The following SCUBE1 variants were observed in gnomAD, a reference collection of about 807,000 sequenced individuals.
SCUBE1 encodes signal peptide, CUB and EGF-like domain-containing protein 1.
A neutral mutation model predicts 124.4 loss-of-function variants in SCUBE1; 59 were observed. That is an observed-to-expected ratio of 0.47 (90% confidence interval 0.38 to 0.59). The LOEUF is 0.59. Ranked by LOEUF, SCUBE1 falls within the 20% of genes least tolerant of loss-of-function variation. The pLI is 0.00. For synonymous variants in SCUBE1, 545 were observed against 550.9 expected (o/e 0.99, Z 0.15); for missense variants, 1,150 against 1,371.2 (o/e 0.84, Z 2.55).
chr22:43,318,310 G>C (rs1396319814), intron 3 of SCUBE1: 1 of 152,094 alleles, frequency 6.6e-6, no homozygotes, highest in African/African-American at 2.4e-5. Flanking sequence ...CCTGAGCCCA[G>C]GAGTTCCAGA....
intron 3 of SCUBE1, among the ~76,000 whole-genome samples, chr22:43,303,544 G>A (rs1489970098): frequency 6.6e-6 from 1 of 152,244 alleles, no homozygotes; most frequent in Non-Finnish European, 1.5e-5. Context: ...AGAAGGCAGT[G>A]GCAGAGGGCT....
intron 7 of SCUBE1, among the ~76,000 whole-genome samples, chr22:43,236,873 C>T (rs1922784967): frequency 6.6e-6 from 1 of 152,208 alleles, no homozygotes; most frequent in Admixed American, 6.5e-5. Flanking sequence ...TTTTATTCAT[C>T]CTGTCTCACT....
chr22:43,294,958 A>G (rs1280183596), intron 3 of SCUBE1, among the ~76,000 whole-genome samples: 1 of 152,188 alleles, frequency 6.6e-6, no homozygotes, highest in African/African-American at 2.4e-5. Context: ...ACAGCTCCAC[A>G]CCGGGGGCAT....
intron 3 of SCUBE1, among the ~76,000 whole-genome samples, chr22:43,301,241 C>T (rs566050146): frequency 6.8e-4 from 104 of 152,274 alleles, no homozygotes; most frequent in African/African-American, 1.3e-3. Flanking sequence ...CCTGGATTCT[C>T]GAACTCCCTG....
intron 2 of SCUBE1, among the ~76,000 whole-genome samples, chr22:43,334,832 C>T (rs1927012627): frequency 6.6e-6 from 1 of 152,214 alleles, no homozygotes; most frequent in Non-Finnish European, 1.5e-5. Context: ...TTAATTCTCA[C>T]ACTATCTGTA....
intron 9 of SCUBE1, among the ~76,000 whole-genome samples, 196 bp from the exon 10 acceptor site, chr22:43,227,692 C>A (rs1922381545): frequency 6.6e-6 from 1 of 152,182 alleles, no homozygotes; most frequent in African/African-American, 2.4e-5. Flanking sequence ...CAGACCCCAG[C>A]GTCCCTTCCC....
At chr22:43,309,068 G>A (rs1008013977) in intron 3 of SCUBE1, among the ~76,000 whole-genome samples, 1 of 152,038 alleles carries the variant, frequency 6.6e-6, no homozygotes, top group Admixed American at 6.5e-5. Context: ...GCAGGAATGA[G>A]GAGCAGGGCC....
chr22:43,222,317 A>G (rs1048854570), intron 12 of SCUBE1, among the ~76,000 whole-genome samples: 1 of 152,226 alleles, frequency 6.6e-6, no homozygotes, highest in Non-Finnish European at 1.5e-5. Context: ...TAATAGCCAC[A>G]GCAGATGTGG....
intron 4 of SCUBE1, among the ~76,000 whole-genome samples, chr22:43,263,206 T>G (rs1923937794): frequency 1.3e-5 from 2 of 152,102 alleles, no homozygotes; most frequent in South Asian, 4.2e-4. Context: ...TGCTCCCCTC[T>G]CCCGAGCCAC....
intron 21 of SCUBE1, among the ~76,000 whole-genome samples, chr22:43,205,645 ACT>A (rs1325510795): frequency 7.7e-6 from 1 of 130,070 alleles, no homozygotes; most frequent in Non-Finnish European, 1.6e-5. Flanking sequence ...CTCACCACAC[ACT>A]CACCCCCACA....
intron 6 of SCUBE1, among the ~76,000 whole-genome samples, chr22:43,250,423 A>G (rs893272224): frequency 5.9e-5 from 9 of 152,202 alleles, no homozygotes; most frequent in Non-Finnish European, 1.3e-4. Context: ...CTGGAACCCA[A>G]GGTCCCCTCA....
chr22:43,216,612 A>G (rs114714515), intron 15 of SCUBE1, among the ~76,000 whole-genome samples: 2 of 151,998 alleles, frequency 1.3e-5, no homozygotes, highest in Non-Finnish European at 1.5e-5. Flanking sequence ...AGATTACACC[A>G]TTGCACTGCA....
chr22:43,325,409 C>A (rs1206888077), intron 2 of SCUBE1, among the ~76,000 whole-genome samples: 1 of 146,598 alleles, frequency 6.8e-6, no homozygotes, highest in African/African-American at 2.6e-5. Context: ...CGCCGTTGCA[C>A]TCCAGCCTGG....
At chr22:43,223,460 G>A (rs1922184210) in intron 10 of SCUBE1, among the ~76,000 whole-genome samples, 1 of 152,172 alleles carries the variant, frequency 6.6e-6, no homozygotes, top group Admixed American at 6.5e-5. Context: ...GAAGGTTCAT[G>A]TCCCCATCCC....
intron 4 of SCUBE1, among the ~76,000 whole-genome samples, chr22:43,275,158 G>A (rs1454777380): frequency 6.6e-6 from 1 of 152,190 alleles, no homozygotes; most frequent in Admixed American, 6.5e-5. Context: ...GAGGCCTGGG[G>A]AGTGAGGCTG....
At chr22:43,235,116 C>T (rs764729540) in intron 7 of SCUBE1, among the ~76,000 whole-genome samples, 2 of 152,114 alleles carry the variant, frequency 1.3e-5, no homozygotes, top group African/African-American at 2.4e-5. Context: ...CAGGGCCCAG[C>T]GTGAGTGTCT....
intron 3 of SCUBE1, among the ~76,000 whole-genome samples, chr22:43,302,739 T>C (rs2146765061): frequency 6.6e-6 from 1 of 152,294 alleles, no homozygotes; most frequent in South Asian, 2.1e-4. Flanking sequence ...CTGGAGTTTT[T>C]AAAAATTTCT....
chr22:43,334,533 C>A (rs913184988), intron 2 of SCUBE1, among the ~76,000 whole-genome samples: 7 of 152,122 alleles, frequency 4.6e-5, no homozygotes, highest in African/African-American at 7.2e-5. Context: ...ACATCATCAT[C>A]ATCTTCTTCA....
At chr22:43,248,746 A>T (rs991240347) in intron 6 of SCUBE1, among the ~76,000 whole-genome samples, 3 of 152,118 alleles carry the variant, frequency 2.0e-5, no homozygotes, top group Non-Finnish European at 2.9e-5. Flanking sequence ...GCCCTGTGAT[A>T]TCACCTCCCT....
Sources: allele counts gnomAD v4.1 joint callset (sites outside exome capture counted in the v4.1 genomes callset), GRCh38; gene constraint gnomAD v4.1.1; transcripts MANE v1.5; gene names NCBI Gene and HGNC (gene_info 2026-07-23, HGNC 2026-07-21).